Variants in GORASP2 observed in about 807,000 individuals in gnomAD.
GORASP2 encodes the protein golgi reassembly stacking protein 2, also known as Golgi reassembly-stacking protein 2.
Under a neutral mutation model 45.7 loss-of-function variants are expected in GORASP2, and 22 were observed. The observed-to-expected ratio is 0.48, with a 90% CI of 0.34 to 0.69. The LOEUF (loss-of-function observed/expected upper bound fraction) is 0.69. Among genes scored for constraint, GORASP2 ranks in the 30% least tolerant of loss-of-function variants. GORASP2 has a pLI of 0.01. For synonymous variants in GORASP2, 221 were observed against 215.6 expected (o/e 1.02, Z -0.22); for missense variants, 491 against 562.7 (o/e 0.87, Z 1.29).
At chr2:170,936,283 G>A (rs1476321782) in intron 1 of GORASP2, among the ~76,000 whole-genome samples, 2 of 124,454 alleles carry the variant, frequency 1.6e-5, no homozygotes, top group Non-Finnish European at 3.2e-5. Flanking sequence ...CTGGAGTGTT[G>A]TGGTGTGGTC....
Position 170,929,385 on chromosome 2 carries a change from G to A in GORASP2, c.45G>A (p.Glu15=), listed in dbSNP as rs747599446. The A allele has an allele frequency of 5.6e-6, 8 of 1,419,984 alleles. No individual in the cohort carries two copies. In the South Asian group the frequency reaches 9.4e-5, roughly 17 times the overall value. 88.0% of individuals were successfully genotyped at this position (1,419,984 alleles called of 1,614,324 possible). A position where few individuals can be genotyped will look rare whatever the true frequency, so the allele number is the denominator to read the frequency against. The change falls in exon 1 of 10, where the codon GAG becomes GAA. Residue 15 remains glutamate, a synonymous_variant. Transcript: ENST00000234160. The stretch of plus-strand genomic sequence containing the variant: ...TCGAGATCCCGGGCGGGGGCACCGA[G>A]GGCTACCACGTTCTGCGGGTAAGGG... ...QSVEIPGGGT[E]GYHVLRVQEN... is the part of the protein sequence containing the mutation.
intron 1 of GORASP2, among the ~76,000 whole-genome samples, chr2:170,939,272 A>T (rs1233392435): frequency 6.6e-6 from 1 of 152,208 alleles, no homozygotes; most frequent in Admixed American, 6.5e-5. Flanking sequence ...AATGTTAAAA[A>T]TTATGTCAGG....
chr2:170,963,425 C>CGCTGCT (rs1443357509), intron 9 of GORASP2, among the ~76,000 whole-genome samples: 9 of 146,672 alleles, frequency 6.1e-5, no homozygotes, highest in African/African-American at 2.1e-4. Flanking sequence ...TCTCAGTCCC[C>CGCTGCT]GCTGCTACTG....
At chr2:170,936,804 C>A in intron 1 of GORASP2, 1 of 411,830 alleles carries the variant, frequency 2.4e-6, no homozygotes. Context: ...GCAAAATTGT[C>A]ACTTGACCAA....
intron 1 of GORASP2, among the ~76,000 whole-genome samples, chr2:170,930,933 C>G (rs1428533622): frequency 1.3e-5 from 2 of 148,728 alleles, no homozygotes; most frequent in Non-Finnish European, 3.0e-5. Context: ...ATAATACATG[C>G]ACTCAGGGAA....
At chr2:170,929,493 G>A (rs1703761223) in intron 1 of GORASP2, 90 bp downstream of exon 1, 1 of 1,047,720 alleles carries the variant, frequency 9.5e-7, no homozygotes, top group Non-Finnish European at 1.3e-6. Context: ...CCTTCACGGG[G>A]CAGCCAGGCC....
intron 5 of GORASP2, 195 bp downstream of exon 5, chr2:170,951,653 C>T (rs113743318): frequency 1.1e-5 from 4 of 362,008 alleles, no homozygotes; most frequent in African/African-American, 6.3e-5. Flanking sequence ...AGTATATATA[C>T]TATAGTCCTT....
At chr2:170,952,805 A>C (rs1704327184) in intron 5 of GORASP2, among the ~76,000 whole-genome samples, 1 of 152,134 alleles carries the variant, frequency 6.6e-6, no homozygotes, top group Non-Finnish European at 1.5e-5. Flanking sequence ...CTTCCTGAGT[A>C]CCTGGGACTA....
chr2:170,933,216 TTA>T (rs1377516151), intron 1 of GORASP2, among the ~76,000 whole-genome samples: 4 of 152,244 alleles, frequency 2.6e-5, no homozygotes, highest in Non-Finnish European at 5.9e-5. Context: ...TCAGATTTCC[TTA>T]TATAGTGGGT....
intron 9 of GORASP2, among the ~76,000 whole-genome samples, chr2:170,964,551 G>A (rs1704643332): frequency 6.6e-6 from 1 of 152,068 alleles, no homozygotes; most frequent in Admixed American, 6.5e-5. Context: ...TACTCGGGAA[G>A]GTGAGGCAGG....
At position 170,966,377 on chromosome 2, in the gene GORASP2, T is replaced by TGCTGCCA. The variant is rs1264081567; in HGVS notation, c.*249_*255dup. 4.6e-5 allele frequency: 25 copies of TGCTGCCA among 538,682 alleles called. No individual in the cohort carries two copies. The highest frequency in any genetic ancestry group is 7.3e-5 in the Non-Finnish European group (22 of 300,326). The allele number at this position is 538,682 out of a possible 1,614,324, so 33.4% of individuals were successfully genotyped here. ...ACCAAAAAGAATTGTAAGGGTGGCT[T>TGCTGCCA]GCTGCCAGGCTTGCACTGCCGTTCC... is the stretch of plus-strand genomic sequence containing the variant. On this transcript the variant is annotated 3_prime_UTR_variant, in exon 10 of 10. Transcript: ENST00000234160.
intron 7 of GORASP2, 148 bp from the exon 8 acceptor site, chr2:170,961,515 T>TGATGGACAGTCAGTTGCA (rs1379831543): frequency 2.4e-5 from 16 of 659,404 alleles, no homozygotes; most frequent in Non-Finnish European, 4.5e-5. Context: ...CCGTAAAGGG[T>TGATGGACAGTCAGTTGCA]GATGGACAGT....
chr2:170,937,667 G>C (rs566471053), intron 1 of GORASP2, among the ~76,000 whole-genome samples: 15 of 152,048 alleles, frequency 9.9e-5, no homozygotes, highest in Non-Finnish European at 2.2e-4. Context: ...GAAGGAGGGA[G>C]GGAAGGGAAA....
In GORASP2 at chr2:170,966,151, T is replaced by C; in HGVS notation, c.*21T>C. On this transcript the variant is annotated 3_prime_UTR_variant, in exon 10 of 10. Transcript: ENST00000234160. ...CTTAACTTTGAACCATTCTTTGGAA[T>C]TGGCGTGGTATATTTAACCACGGGA... is the stretch of plus-strand genomic sequence containing the variant. The C allele has an allele frequency of 2.6e-6, 4 of 1,563,434 alleles. No homozygotes were observed. The highest frequency in any genetic ancestry group is 3.5e-6 in the Non-Finnish European group (4 of 1,133,918).
intron 7 of GORASP2, 42 bp from the exon 8 acceptor site, chr2:170,961,621 A>T: frequency 9.5e-7 from 1 of 1,052,946 alleles, no homozygotes. Flanking sequence ...TTTCTTGTCG[A>T]CTAAATTTGT....
chr2:170,940,343 G>T (rs1056800432), intron 1 of GORASP2, among the ~76,000 whole-genome samples: 4 of 152,206 alleles, frequency 2.6e-5, no homozygotes, highest in African/African-American at 4.8e-5. Context: ...GACCAGTGCA[G>T]TTGGGAGAAT....
intron 1 of GORASP2, among the ~76,000 whole-genome samples, chr2:170,945,570 T>C (rs540800896): frequency 1.4e-4 from 22 of 151,986 alleles, no homozygotes; most frequent in South Asian, 4.2e-4. Flanking sequence ...ATTTAACTTA[T>C]TTAATTTACA....
At chr2:170,940,435 A>G (rs976128288) in intron 1 of GORASP2, among the ~76,000 whole-genome samples, 2 of 152,194 alleles carry the variant, frequency 1.3e-5, no homozygotes, top group African/African-American at 4.8e-5. Context: ...AGAATTAAAG[A>G]GAGAAAGAGG....
intron 1 of GORASP2, among the ~76,000 whole-genome samples, chr2:170,933,147 G>A (rs2105309222): frequency 6.6e-6 from 1 of 152,110 alleles, no homozygotes; most frequent in Admixed American, 6.5e-5. Flanking sequence ...AAAAAGAAGT[G>A]GACTCCTAGT....
Sources: allele counts gnomAD v4.1 joint callset (sites outside exome capture counted in the v4.1 genomes callset), GRCh38; gene constraint gnomAD v4.1.1; transcripts MANE v1.5; gene names NCBI Gene and HGNC (gene_info 2026-07-23, HGNC 2026-07-21).